Variants in DLGAP2 observed in about 807,000 individuals in gnomAD.
The protein encoded by DLGAP2 is disks large-associated protein 2.
In DLGAP2, 26 loss-of-function variants were observed where a neutral mutation model predicts 100.3. That is an observed-to-expected ratio of 0.26 (90% CI 0.19 to 0.36). The LOEUF is 0.36. Among genes scored for constraint, DLGAP2 ranks in the 10% least tolerant of loss-of-function variants. The pLI, the probability that DLGAP2 is intolerant of heterozygous loss-of-function variation, is 1.00. For synonymous variants in DLGAP2, 886 were observed against 630.1 expected, an observed-to-expected ratio of 1.41 and a Z score of -6.08; for missense variants, 1,858 against 1,453.2, an observed-to-expected ratio of 1.28 and a Z score of -4.53.
intron 3 of DLGAP2, among the ~76,000 whole-genome samples, chr8:1,353,794 C>T (rs1041885205): frequency 4.0e-5 from 6 of 151,864 alleles, no homozygotes; most frequent in African/African-American, 1.5e-4. Context: ...AAAAACACGA[C>T]AGGAAAAATA....
At chr8:1,069,080 C>G (rs1395967623) in intron 2 of DLGAP2, among the ~76,000 whole-genome samples, 1 of 152,192 alleles carries the variant, frequency 6.6e-6, no homozygotes, top group African/African-American at 2.4e-5. Flanking sequence ...CACTGCCCTG[C>G]ACTAGACACA....
At chr8:926,319 G>T (rs1798814943) in intron 2 of DLGAP2, among the ~76,000 whole-genome samples, 1 of 152,150 alleles carries the variant, frequency 6.6e-6, no homozygotes. Context: ...TTCCTTCCCA[G>T]ATCCCAGTGA....
intron 1 of DLGAP2, among the ~76,000 whole-genome samples, chr8:892,362 C>T (rs1179998686): frequency 6.6e-6 from 1 of 152,128 alleles, no homozygotes; most frequent in African/African-American, 2.4e-5. Context: ...GAACATGAGT[C>T]AGCCTCAAAG....
chr8:1,230,279 A>C (rs1005970155), intron 2 of DLGAP2, among the ~76,000 whole-genome samples: 10 of 152,224 alleles, frequency 6.6e-5, no homozygotes, highest in Non-Finnish European at 1.3e-4. Flanking sequence ...TACAAAAAGA[A>C]TAAAATACCT....
In DLGAP2 at chr8:1,548,761, C is replaced by T; in HGVS notation, c.308C>T (p.Pro103Leu). ...LCSGHTCGLA[P>L]PEDCEHLHHG... Reference sequence around the variant, plus strand: ...TCCGGGCACACGTGTGGTCTGGCGCCCCCGGAGGACTGCGAGCACCTGCAC... The same window carrying T: ...TCCGGGCACACGTGTGGTCTGGCGCTCCCGGAGGACTGCGAGCACCTGCAC... Residue 103 changes from proline to leucine, a missense_variant, in exon 5 of 15, where the codon CCC becomes CTC. Physicochemically the swap from Pro to Leu is moderately conservative, Grantham distance 98. Coordinates refer to ENST00000637795, the MANE Select transcript of DLGAP2 (RefSeq NM_001346810.2). The T allele has an allele frequency of 6.2e-7, 1 of 1,600,982 alleles. No individual in the cohort carries two copies. The highest frequency in any genetic ancestry group is 8.5e-7 in the Non-Finnish European group (1 of 1,175,886).
chr8:1,570,741 C>G (rs1032366825), intron 6 of DLGAP2, among the ~76,000 whole-genome samples: 6 of 136,268 alleles, frequency 4.4e-5, no homozygotes, highest in African/African-American at 1.7e-4. Flanking sequence ...GGGACATCTT[C>G]TGGGATGGAG....
chr8:1,499,973 A>G (rs1036808399), intron 3 of DLGAP2, among the ~76,000 whole-genome samples: 3 of 123,196 alleles, frequency 2.4e-5, no homozygotes, highest in Admixed American at 9.5e-5. Flanking sequence ...AACTGCATCT[A>G]ACACTTGGGT....
intron 2 of DLGAP2, among the ~76,000 whole-genome samples, chr8:1,209,881 C>T (rs56402435): frequency 0.036 from 5,469 of 152,256 alleles, 332 homozygotes; most frequent in African/African-American, 0.12. Flanking sequence ...GTCCTACCCC[C>T]TCGTAATCCC....
chr8:783,285 T>A (rs1300070147), intron 1 of DLGAP2, among the ~76,000 whole-genome samples: 1 of 152,200 alleles, frequency 6.6e-6, no homozygotes, highest in African/African-American at 2.4e-5. Context: ...TCTGTTCCCT[T>A]GGAAACTTGT....
intron 2 of DLGAP2, among the ~76,000 whole-genome samples, chr8:1,195,803 G>A (rs935831): frequency 0.45 from 68,717 of 152,094 alleles, 15,748 homozygotes; most frequent in Middle Eastern, 0.6. Flanking sequence ...GTTCCCCGGA[G>A]TGCGTGACCT....
rs1326464161 is a variant in DLGAP2, at chr8:1,390,690, T to G, written c.107-110676T>G. Reference sequence around the variant, plus strand: ...CCAAGCTCTGATCTGAGTCTCTTGTTGGGTGCTGGTGGTGAGGGAGGATCT... The same window carrying G: ...CCAAGCTCTGATCTGAGTCTCTTGTGGGGTGCTGGTGGTGAGGGAGGATCT... On this transcript the variant is annotated intron_variant, in intron 3 of 14. Coordinates refer to ENST00000637795, the MANE Select transcript of DLGAP2 (RefSeq NM_001346810.2). 2.0e-5 allele frequency among the ~76,000 whole-genome samples: 3 copies of G among 152,186 alleles called. No homozygotes were observed. In the East Asian group the frequency reaches 5.8e-4, roughly 29 times the overall value.
intron 2 of DLGAP2, among the ~76,000 whole-genome samples, chr8:952,596 C>T (rs1395521026): frequency 6.6e-6 from 1 of 151,900 alleles, no homozygotes; most frequent in African/African-American, 2.4e-5. Context: ...GAGATCACGC[C>T]ACTGTACTCC....
chr8:1,577,552 A>T (rs535814398), intron 6 of DLGAP2, among the ~76,000 whole-genome samples: 2 of 142,944 alleles, frequency 1.4e-5, no homozygotes, highest in African/African-American at 5.5e-5. Flanking sequence ...TGGGCCACAG[A>T]ATTACACTCT....
chr8:1,287,608 C>A (rs1273992913), intron 3 of DLGAP2, among the ~76,000 whole-genome samples: 1 of 28,070 alleles, frequency 3.6e-5, no homozygotes, highest in Admixed American at 5.5e-4. Context: ...GTATGTGGTT[C>A]TGTTAGGGGA....
chr8:1,002,182 G>A (rs534028252), intron 2 of DLGAP2: 2 of 152,164 alleles, frequency 1.3e-5, no homozygotes, highest in Non-Finnish European at 2.9e-5. Flanking sequence ...GGGAGCCTGG[G>A]ATTCCTTCCT....
chr8:1,099,513 C>T (rs769191081), intron 2 of DLGAP2, among the ~76,000 whole-genome samples: 1 of 152,220 alleles, frequency 6.6e-6, no homozygotes, highest in Admixed American at 6.5e-5. Context: ...GTCTGTGCTA[C>T]CACATCCTCG....
chr8:1,181,408 G>A (rs980378996), intron 2 of DLGAP2, among the ~76,000 whole-genome samples: 1 of 152,152 alleles, frequency 6.6e-6, no homozygotes, highest in South Asian at 2.1e-4. Context: ...ATGGCCTCCA[G>A]CTCCATCCAT....
chr8:1,484,737 A>G (rs1799195158), intron 3 of DLGAP2, among the ~76,000 whole-genome samples: 1 of 152,208 alleles, frequency 6.6e-6, no homozygotes, highest in Admixed American at 6.5e-5. Flanking sequence ...AAATTAAACC[A>G]ACCATAGTTG....
intron 6 of DLGAP2, among the ~76,000 whole-genome samples, chr8:1,609,862 A>G (rs1311375125): frequency 6.7e-6 from 1 of 149,714 alleles, no homozygotes; most frequent in Non-Finnish European, 1.5e-5. Flanking sequence ...TATGCACCCA[A>G]TACGGGAGCA....
Sources: gnomAD v4.1 joint callset for allele counts (sites outside exome capture counted in the v4.1 genomes callset) on GRCh38, gnomAD v4.1.1 for gene constraint, MANE v1.5 for transcripts, NCBI Gene and HGNC (gene_info 2026-07-23, HGNC 2026-07-21) for gene names.